Variants in ARHGAP42 observed in about 807,000 individuals in gnomAD.
ARHGAP42 encodes Rho GTPase activating protein 42.
In ARHGAP42, 63 loss-of-function variants were observed where a neutral mutation model predicts 125.0. The ratio of observed to expected loss-of-function variants is 0.50; its 90% CI spans 0.41 to 0.62. The LOEUF (loss-of-function observed/expected upper bound fraction) is 0.62, where lower values mean the gene tolerates loss of function less well. Among genes scored for constraint, ARHGAP42 ranks in the 20% least tolerant of loss-of-function variants. ARHGAP42 has a pLI of 0.00. For synonymous variants in ARHGAP42, 339 were observed against 351.0 expected (o/e 0.97, Z 0.38); for missense variants, 766 against 1,024.2 (o/e 0.75, Z 3.44).
intron 1 of ARHGAP42, among the ~76,000 whole-genome samples, chr11:100,760,516 T>A (rs541864366): frequency 3.3e-5 from 5 of 151,978 alleles, no homozygotes; most frequent in Non-Finnish European, 5.9e-5. Flanking sequence ...CTAGCCAACA[T>A]GGTGAAACCC....
chr11:100,937,767 A>C (rs1229385374), intron 8 of ARHGAP42, among the ~76,000 whole-genome samples: 7 of 152,222 alleles, frequency 4.6e-5, no homozygotes, highest in African/African-American at 1.7e-4. Flanking sequence ...ATTAGCTTGC[A>C]ATATTATTTT....
chr11:100,898,657 A>G (rs1253728189), intron 4 of ARHGAP42, among the ~76,000 whole-genome samples: 1 of 152,052 alleles, frequency 6.6e-6, no homozygotes, highest in Admixed American at 6.5e-5. Context: ...CTCTGGTGGT[A>G]GTTTGTATTT....
rs1858876067 is a variant in ARHGAP42 at position 100,992,856 on chromosome 11, T to C, written c.*4055T>C. On this transcript the variant is annotated 3_prime_UTR_variant, in exon 24 of 24. Transcript: ENST00000298815. ...TGATCTGCATGTCCTAGACCAATGATTACAAGGTGTCTGTGGTTTAGGGGG... is the reference window on the plus strand; with the variant it reads ...TGATCTGCATGTCCTAGACCAATGACTACAAGGTGTCTGTGGTTTAGGGGG... The C allele has an allele frequency of 1.3e-6, 1 of 787,586 alleles. No homozygotes were observed. Among genetic ancestry groups the C allele is most frequent in the African/African-American group, 2.1e-5 (1 of 46,848 alleles). 48.8% of individuals were successfully genotyped at this position (787,586 alleles called of 1,614,324 possible). A position where few individuals can be genotyped will look rare whatever the true frequency, so the allele number is the denominator to read the frequency against.
chr11:100,693,575 A>C (rs1861228175), intron 1 of ARHGAP42, among the ~76,000 whole-genome samples: 2 of 152,172 alleles, frequency 1.3e-5, no homozygotes, highest in South Asian at 4.1e-4. Flanking sequence ...GCCCTTTAAC[A>C]GTATCTTTAT....
chr11:100,983,696 T>C (rs1858600334), intron 22 of ARHGAP42, among the ~76,000 whole-genome samples: 1 of 152,234 alleles, frequency 6.6e-6, no homozygotes, highest in African/African-American at 2.4e-5. Flanking sequence ...GCAATATATA[T>C]GTCTTTGACA....
At chr11:100,920,663 G>A (rs1313731309) in intron 5 of ARHGAP42, among the ~76,000 whole-genome samples, 2 of 152,148 alleles carry the variant, frequency 1.3e-5, no homozygotes, top group Admixed American at 6.6e-5. Context: ...GCAGAGAAGA[G>A]GGAAGAGAGA....
intron 3 of ARHGAP42, among the ~76,000 whole-genome samples, chr11:100,835,754 GTATATATGTATA>G (rs1308197730): frequency 2.0e-5 from 3 of 150,912 alleles, no homozygotes; most frequent in African/African-American, 7.3e-5. Flanking sequence ...AAGTAATATG[GTATATATGTATA>G]TATATATTCC....
At chr11:100,738,453 TAA>T (rs982893026) in intron 1 of ARHGAP42, 24 of 152,198 alleles carry the variant, frequency 1.6e-4, no homozygotes, top group African/African-American at 5.8e-4. Flanking sequence ...GTTTTAGATT[TAA>T]AAGAGTATCA....
chr11:100,942,019 C>A, intron 9 of ARHGAP42, 135 bp downstream of exon 9: 1 of 720,318 alleles, frequency 1.4e-6, no homozygotes, highest in South Asian at 1.9e-5. Context: ...CAAAGGTTTT[C>A]TCTCATTTTT....
intron 1 of ARHGAP42, among the ~76,000 whole-genome samples, chr11:100,713,817 T>A (rs910858724): frequency 6.6e-6 from 1 of 152,214 alleles, no homozygotes. Context: ...CTGTATTCAT[T>A]GCCTTCTCGG....
chr11:100,973,873 G>A (rs981429614), intron 18 of ARHGAP42, among the ~76,000 whole-genome samples: 1 of 152,186 alleles, frequency 6.6e-6, no homozygotes, highest in Non-Finnish European at 1.5e-5. Flanking sequence ...TTTTATCTCT[G>A]ATCTGGTCCT....
intron 6 of ARHGAP42, among the ~76,000 whole-genome samples, chr11:100,926,391 A>G (rs543679338): frequency 6.6e-6 from 1 of 152,338 alleles, no homozygotes; most frequent in East Asian, 1.9e-4. Context: ...CCACTTCCTC[A>G]GTGGACACTT....
intron 2 of ARHGAP42, among the ~76,000 whole-genome samples, chr11:100,790,710 G>C (rs1358099648): frequency 2.0e-5 from 3 of 152,118 alleles, no homozygotes; most frequent in African/African-American, 7.2e-5. Context: ...GCATTCAATG[G>C]TCATCTATTT....
chr11:100,836,532 G>A (rs1331489695), intron 3 of ARHGAP42, among the ~76,000 whole-genome samples: 1 of 151,930 alleles, frequency 6.6e-6, no homozygotes, highest in Non-Finnish European at 1.5e-5. Context: ...TGAATCAGTA[G>A]GAATCTATGT....
chr11:100,860,237 C>A (rs1591245261), intron 4 of ARHGAP42, among the ~76,000 whole-genome samples: 1 of 152,044 alleles, frequency 6.6e-6, no homozygotes, highest in Non-Finnish European at 1.5e-5. Flanking sequence ...CTCATTCTTA[C>A]CCTGTTTGAG....
At chr11:100,751,425 A>G (rs1862454103) in intron 1 of ARHGAP42, among the ~76,000 whole-genome samples, 1 of 151,340 alleles carries the variant, frequency 6.6e-6, no homozygotes, top group African/African-American at 2.4e-5. Context: ...TGAGACTTAC[A>G]GGCATGCACT....
At chr11:100,835,522 T>C (rs1864765520) in intron 3 of ARHGAP42, among the ~76,000 whole-genome samples, 1 of 152,130 alleles carries the variant, frequency 6.6e-6, no homozygotes, top group Non-Finnish European at 1.5e-5. Context: ...GCCAAGCTCA[T>C]TTCATAGAAG....
At chr11:100,786,045 C>T (rs1863424173) in intron 2 of ARHGAP42, among the ~76,000 whole-genome samples, 1 of 152,084 alleles carries the variant, frequency 6.6e-6, no homozygotes, top group African/African-American at 2.4e-5. Flanking sequence ...ACTTCAGCAC[C>T]TCATATTATG....
At chr11:100,868,919 T>A (rs1359206490) in intron 4 of ARHGAP42, among the ~76,000 whole-genome samples, 1 of 152,146 alleles carries the variant, frequency 6.6e-6, no homozygotes, top group Non-Finnish European at 1.5e-5. Context: ...ACTAAAATGT[T>A]AATTGTTTTT....
Sources: gnomAD v4.1 joint callset for allele counts (sites outside exome capture counted in the v4.1 genomes callset) on GRCh38, gnomAD v4.1.1 for gene constraint, MANE v1.5 for transcripts, NCBI Gene and HGNC (gene_info 2026-07-23, HGNC 2026-07-21) for gene names.